Variants in RELN observed in about 807,000 individuals in gnomAD.
RELN encodes the protein reelin.
Under a neutral mutation model 427.6 loss-of-function variants are expected in RELN, and 108 were observed. That is an observed-to-expected ratio of 0.25 (90% CI 0.22 to 0.30). RELN has a LOEUF of 0.30. Ranked by LOEUF, RELN falls within the 10% of genes least tolerant of loss-of-function variation. The probability of loss-of-function intolerance (pLI) is 1.00; values close to 1 mark genes in which losing one functional copy is unlikely to be tolerated. For synonymous variants in RELN, 1,524 were observed against 1,513.4 expected (o/e 1.01, Z -0.16); for missense variants, 3,715 against 4,302.8 (o/e 0.86, Z 3.82).
intron 6 of RELN, among the ~76,000 whole-genome samples, chr7:103,741,989 C>T (rs1022810750): frequency 7.9e-5 from 12 of 152,248 alleles, no homozygotes; most frequent in South Asian, 4.2e-4. Flanking sequence ...CCCTCACCAC[C>T]GAGGAGCCTA....
At chr7:103,729,925 T>C (rs1300454932) in intron 6 of RELN, among the ~76,000 whole-genome samples, 2 of 152,032 alleles carry the variant, frequency 1.3e-5, no homozygotes, top group African/African-American at 4.8e-5. Flanking sequence ...GTTTTTTTTT[T>C]CCATAGAGAC....
At chr7:103,657,687 A>C (rs1258530071) in intron 12 of RELN, among the ~76,000 whole-genome samples, 1 of 152,152 alleles carries the variant, frequency 6.6e-6, no homozygotes, top group Non-Finnish European at 1.5e-5. Context: ...CAAGACTTTA[A>C]AATGATGACA....
At chr7:103,744,475 A>C (rs575218356) in intron 6 of RELN, among the ~76,000 whole-genome samples, 2 of 152,338 alleles carry the variant, frequency 1.3e-5, no homozygotes, top group African/African-American at 4.8e-5. Flanking sequence ...TGAATCCAGG[A>C]GCTGGTTTTC....
At chr7:103,872,652 A>T (rs1314638588) in intron 2 of RELN, among the ~76,000 whole-genome samples, 1 of 142,796 alleles carries the variant, frequency 7.0e-6, no homozygotes. Flanking sequence ...GACTTCCACA[A>T]TGGTTGAACT....
intron 51 of RELN, among the ~76,000 whole-genome samples, chr7:103,503,944 G>A (rs997326507): frequency 3.4e-5 from 5 of 145,678 alleles, no homozygotes; most frequent in African/African-American, 1.0e-4. Context: ...CATGGCTCAC[G>A]CCTGTAATCC....
At chr7:103,857,929 T>C (rs1330808231) in intron 2 of RELN, among the ~76,000 whole-genome samples, 1 of 152,202 alleles carries the variant, frequency 6.6e-6, no homozygotes, top group Non-Finnish European at 1.5e-5. Context: ...CATTTCTCTC[T>C]AGATATAACT....
At chr7:103,745,810 A>C (rs1408406740) in intron 6 of RELN, among the ~76,000 whole-genome samples, 1 of 152,194 alleles carries the variant, frequency 6.6e-6, no homozygotes, top group South Asian at 2.1e-4. Flanking sequence ...ATGGGTAGAA[A>C]GAATCAATAT....
At chr7:103,957,569 C>T (rs1221219984) in intron 1 of RELN, among the ~76,000 whole-genome samples, 4 of 152,188 alleles carry the variant, frequency 2.6e-5, no homozygotes, top group Non-Finnish European at 4.4e-5. Flanking sequence ...CTCCTGGTCA[C>T]ACGCACATGC....
intron 6 of RELN, among the ~76,000 whole-genome samples, chr7:103,734,451 G>C (rs1467726381): frequency 6.6e-6 from 1 of 152,124 alleles, no homozygotes; most frequent in Non-Finnish European, 1.5e-5. Flanking sequence ...GTATCATATG[G>C]ATTGTCCACC....
At chr7:103,745,095 GC>G (rs1790782494) in intron 6 of RELN, among the ~76,000 whole-genome samples, 11 of 152,184 alleles carry the variant, frequency 7.2e-5, no homozygotes, top group African/African-American at 2.7e-4. Flanking sequence ...TCCCTGGGAT[GC>G]AAGGCTGGTT....
At chr7:103,473,204 T>A (rs958053835) in intron 64 of RELN, among the ~76,000 whole-genome samples, 7 of 152,220 alleles carry the variant, frequency 4.6e-5, no homozygotes, top group Non-Finnish European at 1.0e-4. Context: ...TTTTAAATTT[T>A]AATTTTATTC....
chr7:103,596,407 C>T (rs1256186883), intron 25 of RELN, 49 bp downstream of exon 25: 1 of 1,489,374 alleles, frequency 6.7e-7, no homozygotes, highest in Non-Finnish European at 9.4e-7. Flanking sequence ...ATGATTTAAC[C>T]TTTACCATTC....
intron 38 of RELN, among the ~76,000 whole-genome samples, chr7:103,555,538 T>C (rs1830503606): frequency 6.6e-6 from 1 of 152,212 alleles, no homozygotes; most frequent in Admixed American, 6.5e-5. Context: ...AGTGTCATGA[T>C]CTCGGTTCAC....
chr7:103,914,021 T>A (rs1023236481), intron 2 of RELN, among the ~76,000 whole-genome samples: 2 of 152,176 alleles, frequency 1.3e-5, no homozygotes, highest in African/African-American at 4.8e-5. Context: ...ATTAAACCAA[T>A]GATACAGGGT....
rs34930399 is a variant in RELN, at chr7:103,972,894, ATGTG to A, written c.226+16233_226+16236del. Among the ~76,000 whole-genome samples, 190 of 149,266 alleles carry A rather than the reference ATGTG, an allele frequency of 1.3e-3. 1 individual carries two copies. Among genetic ancestry groups the A allele is most frequent in the African/African-American group, 4.3e-3 (174 of 40,376 alleles). ...TGCTAATGTATGTGGGCATATGATTATGTGTGTGTGTGTGTGTGTGTGTGTGCTA... is the reference window on the plus strand; with the variant it reads ...TGCTAATGTATGTGGGCATATGATTATGTGTGTGTGTGTGTGTGTGTGCTA... On this transcript the variant is annotated intron_variant, in intron 1 of 64. Coordinates refer to ENST00000428762, the MANE Select transcript of RELN (RefSeq NM_005045.4).
intron 2 of RELN, among the ~76,000 whole-genome samples, chr7:103,891,980 CA>C (rs1334251494): frequency 3.3e-5 from 5 of 152,232 alleles, no homozygotes; most frequent in Admixed American, 2.0e-4. Flanking sequence ...AAGAATGTGT[CA>C]GAGGCACAGA....
chr7:103,548,334 A>T (rs1451974511), intron 41 of RELN, among the ~76,000 whole-genome samples: 1 of 152,136 alleles, frequency 6.6e-6, no homozygotes, highest in Non-Finnish European at 1.5e-5. Context: ...GGATTTTTGT[A>T]TATATATATG....
rs117042279 is a variant in RELN, at chr7:103,537,624, T to C, written c.7180+1454A>G. Among the ~76,000 whole-genome samples the C allele has an allele frequency of 2.3e-3, 357 of 152,310 alleles. 1 individual carries two copies. The highest frequency in any genetic ancestry group is 4.0e-3 in the Non-Finnish European group (271 of 68,022). ...CTGGTGCTGTGCTGCAGGTTGACCA[T>C]GTGATAACTTACTTCTTTGGGCTCT... On this transcript the variant is annotated intron_variant, in intron 45 of 64. Coordinates refer to ENST00000428762, the MANE Select transcript of RELN (RefSeq NM_005045.4).
intron 3 of RELN, among the ~76,000 whole-genome samples, chr7:103,780,960 T>C (rs1485031523): frequency 6.6e-6 from 1 of 152,166 alleles, no homozygotes; most frequent in Non-Finnish European, 1.5e-5. Flanking sequence ...CCCTGGAACA[T>C]ACGTGGATAC....
Sources: allele counts gnomAD v4.1 joint callset (sites outside exome capture counted in the v4.1 genomes callset), GRCh38; gene constraint gnomAD v4.1.1; transcripts MANE v1.5; gene names NCBI Gene and HGNC (gene_info 2026-07-23, HGNC 2026-07-21).